The following RASGRF2 variants were observed in gnomAD, a reference collection of about 807,000 sequenced individuals.
RASGRF2 encodes Ras protein specific guanine nucleotide releasing factor 2.
Under a neutral mutation model 151.0 loss-of-function variants are expected in RASGRF2, and 76 were observed. The observed-to-expected ratio is 0.50, with a 90% CI of 0.42 to 0.61. RASGRF2 has a LOEUF of 0.61. Among genes scored for constraint, RASGRF2 ranks in the 20% least tolerant of loss-of-function variants. The pLI is 0.00. For missense variants in RASGRF2, 1,148 were observed against 1,564.6 expected (o/e 0.73, Z 4.49); for synonymous variants, 504 against 566.5 (o/e 0.89, Z 1.57).
At chr5:81,050,989 AATG>A (rs1190906501) in intron 2 of RASGRF2, among the ~76,000 whole-genome samples, 10 of 152,194 alleles carry the variant, frequency 6.6e-5, no homozygotes, top group African/African-American at 2.4e-4. Flanking sequence ...GTGGGTTAAA[AATG>A]ATATATTAGT....
In RASGRF2 at chr5:80,973,383, G is replaced by A. The variant is rs191964379; in HGVS notation, c.288+12357G>A. On this transcript the variant is annotated intron_variant, in intron 1 of 26. Transcript: ENST00000265080. Reference sequence around the variant, plus strand: ...GTGATCTGAGGTCTTCCCTCCTCGGGTGCTGGGTTGTTGCTCTTCCTGCGC... The same window carrying A: ...GTGATCTGAGGTCTTCCCTCCTCGGATGCTGGGTTGTTGCTCTTCCTGCGC... Among the ~76,000 whole-genome samples, 466 of 152,266 alleles carry A rather than the reference G, an allele frequency of 3.1e-3. 2 individuals carry two copies. Among genetic ancestry groups the A allele is most frequent in the Non-Finnish European group, 4.2e-3 (288 of 68,026 alleles).
intron 1 of RASGRF2, chr5:80,998,045 G>A (rs1748951987): frequency 6.6e-6 from 1 of 151,958 alleles, no homozygotes; most frequent in African/African-American, 2.4e-5. Flanking sequence ...CTTTAAAATA[G>A]GAAGATGAGT....
chr5:80,996,153 G>A (rs503367), intron 1 of RASGRF2, among the ~76,000 whole-genome samples: 68,634 of 151,786 alleles, frequency 0.45, 15,927 homozygotes, highest in African/African-American at 0.55. Flanking sequence ...AACCTTAAAT[G>A]TTTATTCTTG....
chr5:81,207,010 T>C, intron 20 of RASGRF2, 105 bp downstream of exon 20: 3 of 987,716 alleles, frequency 3.0e-6, no homozygotes, highest in Non-Finnish European at 4.8e-6. Flanking sequence ...TATTAGGCCC[T>C]CTGTCCTATC....
Position 81,080,118 on chromosome 5 carries a change from T to C in RASGRF2, c.888-3T>C. 6.3e-7 allele frequency: 1 copy of C among 1,593,484 alleles called. No homozygotes were observed. The highest frequency in any genetic ancestry group is 8.5e-7 in the Non-Finnish European group (1 of 1,175,728). ...AATTATATTATTTTTCCTTTTTTTA[T>C]AGTGAAACAATCATGTTTCTTCATG... On this transcript the variant is annotated splice_polypyrimidine_tract_variant and splice_region_variant and intron_variant, in intron 5 of 26. Coordinates refer to ENST00000265080, the MANE Select transcript of RASGRF2 (RefSeq NM_006909.3).
intron 17 of RASGRF2, among the ~76,000 whole-genome samples, chr5:81,139,939 C>T (rs191846257): frequency 1.3e-5 from 2 of 152,064 alleles, no homozygotes; most frequent in Non-Finnish European, 2.9e-5. Context: ...GTGATCCTTC[C>T]TCCTAAGCCT....
intron 1 of RASGRF2, among the ~76,000 whole-genome samples, chr5:81,028,804 A>G (rs1306019485): frequency 6.6e-6 from 1 of 152,188 alleles, no homozygotes; most frequent in Non-Finnish European, 1.5e-5. Flanking sequence ...GGGGCTTGTC[A>G]GACAGTGGGT....
intron 23 of RASGRF2, among the ~76,000 whole-genome samples, chr5:81,214,323 C>A (rs924491972): frequency 6.6e-6 from 1 of 152,184 alleles, no homozygotes; most frequent in Non-Finnish European, 1.5e-5. Flanking sequence ...GTGGACTGTC[C>A]CCCAGAGAGG....
chr5:80,987,397 A>T (rs1442161598), intron 1 of RASGRF2, among the ~76,000 whole-genome samples: 1 of 152,188 alleles, frequency 6.6e-6, no homozygotes, highest in Non-Finnish European at 1.5e-5. Flanking sequence ...AATAAAACAC[A>T]TTGGTTGAAT....
chr5:81,130,698 A>G (rs1031722701), intron 17 of RASGRF2, among the ~76,000 whole-genome samples: 3 of 151,806 alleles, frequency 2.0e-5, no homozygotes, highest in Non-Finnish European at 4.4e-5. Context: ...CAGACTTTGT[A>G]TCTCCTCTGG....
At position 81,113,859 on chromosome 5, in the gene RASGRF2, A is replaced by C; in HGVS notation, c.2409A>C (p.Glu803Asp). 3.1e-6 allele frequency: 5 copies of C among 1,614,236 alleles called. No homozygotes were observed. The highest frequency in any genetic ancestry group is 4.2e-6 in the Non-Finnish European group (5 of 1,180,038). The change falls in exon 15 of 27, where the codon GAA (glutamate) becomes GAC (aspartate). Residue 803 changes from glutamate to aspartate, a missense_variant. This residue lies in a region of RASGRF2 where 646 missense variants were observed against 807.4 expected (regional missense o/e 0.80). Coordinates refer to ENST00000265080, the MANE Select transcript of RASGRF2 (RefSeq NM_006909.3). Reference sequence around the variant, plus strand: ...CAGAGCAAAGCCCGGGAACGGTAGAAGAGAATGTCGATAACCCACGCGTGG... The same window carrying C: ...CAGAGCAAAGCCCGGGAACGGTAGACGAGAATGTCGATAACCCACGCGTGG... ...SSPEQSPGTV[E>D]ENVDNPRVDL...
intron 2 of RASGRF2, among the ~76,000 whole-genome samples, chr5:81,044,653 A>G (rs73766171): frequency 7.5e-4 from 114 of 152,220 alleles, no homozygotes; most frequent in African/African-American, 2.6e-3. Flanking sequence ...TATTATCCCC[A>G]TTTTACAGAG....
chr5:81,037,397 C>T (rs993112171), intron 1 of RASGRF2, among the ~76,000 whole-genome samples: 22 of 152,102 alleles, frequency 1.4e-4, no homozygotes, highest in African/African-American at 4.1e-4. Flanking sequence ...TACTTTCTTC[C>T]GGCAACTTCA....
chr5:81,193,259 A>C (rs1755188559), intron 18 of RASGRF2, among the ~76,000 whole-genome samples: 1 of 152,228 alleles, frequency 6.6e-6, no homozygotes, highest in Non-Finnish European at 1.5e-5. Context: ...TAAAATGCCT[A>C]AGCTATCAAC....
chr5:81,200,613 A>G (rs1421799400), intron 18 of RASGRF2, among the ~76,000 whole-genome samples: 1 of 152,212 alleles, frequency 6.6e-6, no homozygotes, highest in African/African-American at 2.4e-5. Flanking sequence ...TCTTGCAGCA[A>G]ATATTCTTTG....
intron 17 of RASGRF2, among the ~76,000 whole-genome samples, chr5:81,175,335 C>T (rs1233851093): frequency 6.6e-6 from 1 of 152,178 alleles, no homozygotes; most frequent in African/African-American, 2.4e-5. Flanking sequence ...TGGCACAAAG[C>T]AGCAATAAAT....
intron 1 of RASGRF2, among the ~76,000 whole-genome samples, chr5:80,972,605 G>A (rs909297548): frequency 2.6e-5 from 4 of 152,022 alleles, no homozygotes. Context: ...TCAGCCTTCC[G>A]AGTAGCTGGG....
intron 1 of RASGRF2, among the ~76,000 whole-genome samples, chr5:80,996,527 TCCTCCTCCC>T (rs2112277376): frequency 6.5e-5 from 3 of 46,296 alleles, no homozygotes; most frequent in Admixed American, 2.0e-4. Context: ...CTCCCCCTCC[TCCTCCTCCC>T]CCTCCTCCTC....
intron 12 of RASGRF2, among the ~76,000 whole-genome samples, chr5:81,102,646 G>C (rs542361716): frequency 6.2e-4 from 92 of 149,040 alleles, no homozygotes; most frequent in Non-Finnish European, 1.2e-3. Context: ...AGTGAGCCGA[G>C]ATCATGCCAC....
Sources: allele counts gnomAD v4.1 joint callset (sites outside exome capture counted in the v4.1 genomes callset), GRCh38; gene constraint gnomAD v4.1.1; regional missense constraint gnomAD v4.1.1; transcripts MANE v1.5; gene names NCBI Gene and HGNC (gene_info 2026-07-23, HGNC 2026-07-21).